Variants in CCDC50 observed in about 807,000 individuals in gnomAD.
CCDC50 encodes coiled-coil domain-containing protein 50.
A neutral mutation model predicts 70.2 loss-of-function variants in CCDC50; 54 were observed. The observed-to-expected ratio is 0.77, with a 90% confidence interval of 0.62 to 0.96. CCDC50 has a LOEUF of 0.96. Ranked by LOEUF, CCDC50 falls within the 50% of genes least tolerant of loss-of-function variation. The pLI is 0.00. For synonymous variants in CCDC50, 216 were observed against 198.8 expected, an observed-to-expected ratio of 1.09 and a Z score of -0.73; for missense variants, 558 against 578.7, an observed-to-expected ratio of 0.96 and a Z score of 0.37.
rs1712314749 is a variant in CCDC50 at position 191,357,114 on chromosome 3, G to C, written c.76G>C (p.Asp26His). Residue 26 changes from aspartate to histidine, a missense_variant, in exon 2 of 12, where the codon GAC becomes CAC. Physicochemically the swap from Asp to His is moderately conservative, Grantham distance 81. Coordinates refer to ENST00000392455, the MANE Select transcript of CCDC50 (RefSeq NM_178335.3). Reference sequence around the variant, plus strand: ...ATGCCGAGATTTTGCTGTCCTGGAGGACCACACCCTGGCTCACAGCCTGCA... The same window carrying C: ...ATGCCGAGATTTTGCTGTCCTGGAGCACCACACCCTGGCTCACAGCCTGCA... ...EVCRDFAVLEDHTLAHSLQEQ... is the reference protein window; with the variant it reads ...EVCRDFAVLEHHTLAHSLQEQ... 2 of 1,613,538 alleles carry C rather than the reference G, an allele frequency of 1.2e-6. No individual in the cohort carries two copies. The highest frequency in any genetic ancestry group is 1.7e-6 in the Non-Finnish European group (2 of 1,179,618).
At chr3:191,329,941 T>A (rs1409216229) in intron 1 of CCDC50, among the ~76,000 whole-genome samples, 1 of 5,354 alleles carries the variant, frequency 1.9e-4, no homozygotes, top group Non-Finnish European at 5.0e-4. Flanking sequence ...AAGGGGGTGG[T>A]TGGGGGGGGG....
Position 191,389,545 on chromosome 3 carries a change from T to G in CCDC50, c.1372T>G (p.Phe458Val). ...TGGTGAAGATGCGGATTACACTCAT[T>G]TTACAAACCAGCAGAGTTCCACACG... The part of the protein sequence containing the change: ...TDGEDADYTH[F>V]TNQQSSTRHF... Residue 458 changes from phenylalanine to valine, a missense_variant, in exon 11 of 12, where the codon TTT (phenylalanine) becomes GTT (valine). Transcript: ENST00000392455. 3 of 1,614,034 alleles carry G rather than the reference T, an allele frequency of 1.9e-6. No homozygotes were observed. The South Asian group carries it at 3.3e-5, about 18-fold the overall frequency.
intron 10 of CCDC50, among the ~76,000 whole-genome samples, chr3:191,386,839 G>C (rs929829045): frequency 2.6e-5 from 4 of 152,128 alleles, no homozygotes; most frequent in Admixed American, 2.6e-4. Flanking sequence ...TGTTTTTAAG[G>C]AAATAGAGGA....
intron 1 of CCDC50, among the ~76,000 whole-genome samples, chr3:191,347,453 C>CACA (rs1711964899): frequency 7.1e-6 from 1 of 141,744 alleles, no homozygotes; most frequent in Non-Finnish European, 1.6e-5. Context: ...CACATAAATC[C>CACA]TAAGCACCCC....
Position 191,329,610 on chromosome 3 carries a change from C to A in CCDC50, c.-65C>A. 2 of 1,548,880 alleles carry A rather than the reference C, an allele frequency of 1.3e-6. No individual in the cohort carries two copies. The highest frequency in any genetic ancestry group is 8.8e-7 in the Non-Finnish European group (1 of 1,142,676). ...CCGGCGCTGCTGCTGCGCTCGGGGC[C>A]CCGCTCGGCGCCGGCGGTGACCGGG... On this transcript the variant is annotated 5_prime_UTR_variant, in exon 1 of 12. Coordinates refer to ENST00000392455, the MANE Select transcript of CCDC50 (RefSeq NM_178335.3).
At position 191,395,957 on chromosome 3, in the gene CCDC50, C is replaced by CT. The variant is rs1176567727; in HGVS notation, c.*4198dup. ...TGGGCAGGTAGAAGCAAACTGGAGA[C>CT]TGTCCTGTTAATGCTGCATGGGGCA... On this transcript the variant is annotated 3_prime_UTR_variant, in exon 12 of 12. Transcript: ENST00000392455. 3.9e-5 allele frequency: 6 copies of CT among 152,092 alleles called. No individual in the cohort carries two copies. The highest frequency in any genetic ancestry group is 8.8e-5 in the Non-Finnish European group (6 of 68,016). 9.4% of individuals were successfully genotyped at this position (152,092 alleles called of 1,614,324 possible).
chr3:191,382,927 C>A, intron 10 of CCDC50, 102 bp downstream of exon 10: 1 of 810,226 alleles, frequency 1.2e-6, no homozygotes, highest in Non-Finnish European at 2.1e-6. Context: ...AGAGGAGATC[C>A]AAAAATCTGC....
intron 3 of CCDC50, among the ~76,000 whole-genome samples, chr3:191,358,650 T>C (rs1712378045): frequency 6.6e-6 from 1 of 152,210 alleles, no homozygotes; most frequent in South Asian, 2.1e-4. Flanking sequence ...AAGTTCTCTC[T>C]AGTAGCCTCC....
intron 1 of CCDC50, among the ~76,000 whole-genome samples, chr3:191,329,944 G>GGT (rs1717901557): frequency 3.4e-5 from 1 of 29,194 alleles, no homozygotes; most frequent in African/African-American, 5.2e-4. Context: ...GGGGTGGTTG[G>GGT]GGGGGGGGGG....
chr3:191,333,617 C>G (rs1337703616), intron 1 of CCDC50, among the ~76,000 whole-genome samples: 1 of 152,264 alleles, frequency 6.6e-6, no homozygotes, highest in South Asian at 2.1e-4. Flanking sequence ...AGTTATCTTG[C>G]TGTACCCTCA....
At chr3:191,348,514 G>A (rs142119889) in intron 1 of CCDC50, among the ~76,000 whole-genome samples, 1,733 of 142,332 alleles carry the variant, frequency 0.012, 348 homozygotes, top group Non-Finnish European at 0.018. Context: ...CAGTCTAGTA[G>A]TGGGATTATT....
At chr3:191,369,246 A>G (rs1160692372) in intron 4 of CCDC50, among the ~76,000 whole-genome samples, 1 of 152,110 alleles carries the variant, frequency 6.6e-6, no homozygotes, top group East Asian at 1.9e-4. Context: ...CTCCCGTGGA[A>G]ATTTTTTTGA....
Position 191,390,139 on chromosome 3 carries a change from C to T in CCDC50, c.1429+537C>T, listed in dbSNP as rs146552078. ...TGCTGGGATTATAGGCATGAGCCAC[C>T]GCACCCAGCTCTTTCATCAGATTCT... is the stretch of plus-strand genomic sequence containing the variant. On this transcript the variant is annotated intron_variant, in intron 11 of 11. Transcript: ENST00000392455. Among the ~76,000 whole-genome samples the T allele has an allele frequency of 7.7e-3, 1,178 of 152,160 alleles. 10 individuals are homozygous for T. Among genetic ancestry groups the T allele is most frequent in the Middle Eastern group, 0.034 (10 of 294 alleles).
At position 191,397,412 on chromosome 3, in the gene CCDC50, ATTT is replaced by A. The variant is rs2108682718; in HGVS notation, c.*5655_*5657del. 1 of 152,212 alleles carries A rather than the reference ATTT, an allele frequency of 6.6e-6. No homozygotes were observed. Among genetic ancestry groups the A allele is most frequent in the East Asian group, 1.9e-4 (1 of 5,178 alleles). The allele number at this position is 152,212 out of a possible 1,614,324, so 9.4% of individuals were successfully genotyped here. On this transcript the variant is annotated 3_prime_UTR_variant, in exon 12 of 12. Coordinates refer to ENST00000392455, the MANE Select transcript of CCDC50 (RefSeq NM_178335.3). ...AATGCTCTTTCTCAGAAAGAGCTAT[ATTT>A]TTCTCTTCTTACAGGCAACCCAATA... is the stretch of plus-strand genomic sequence containing the variant.
intron 3 of CCDC50, among the ~76,000 whole-genome samples, chr3:191,358,619 C>T (rs1257639745): frequency 6.6e-6 from 1 of 152,180 alleles, no homozygotes; most frequent in African/African-American, 2.4e-5. Flanking sequence ...CAGTTTTTTT[C>T]ATAACTTCAG....
chr3:191,396,087 A>G lies in CCDC50; in HGVS notation c.*4327A>G, dbSNP rs930865870. ...TTGCTCCTGGTATTTAACAACTGTC[A>G]TTAGAAATGCTGAAATTTAATTGTA... On this transcript the variant is annotated 3_prime_UTR_variant, in exon 12 of 12. Transcript: ENST00000392455. 10 of 152,230 alleles carry G rather than the reference A, an allele frequency of 6.6e-5. No individual in the cohort carries two copies. The highest frequency in any genetic ancestry group is 1.2e-4 in the Non-Finnish European group (8 of 68,036). The allele number at this position is 152,230 out of a possible 1,614,324, so 9.4% of individuals were successfully genotyped here. A position where few individuals can be genotyped will look rare whatever the true frequency, so the allele number is the denominator to read the frequency against.
At position 191,380,266 on chromosome 3, in the gene CCDC50, G is replaced by C. The variant is rs749174405; in HGVS notation, c.1084G>C (p.Glu362Gln). 1.2e-6 allele frequency: 2 copies of C among 1,610,152 alleles called. No homozygotes were observed. Among genetic ancestry groups the C allele is most frequent in the Non-Finnish European group, 1.7e-6 (2 of 1,176,954 alleles). Reference sequence around the variant, plus strand: ...AATTGCCAGAAAACTGCAAGAAGAAGAACTTTTGGTGAGCAAATTTTAAGG... The same window carrying C: ...AATTGCCAGAAAACTGCAAGAAGAACAACTTTTGGTGAGCAAATTTTAAGG... ...AEIARKLQEEELLATQVDMRA... is the reference protein window; with the variant it reads ...AEIARKLQEEQLLATQVDMRA... The change falls in exon 7 of 12, where the codon GAA becomes CAA. Residue 362 changes from glutamate (E) to glutamine (Q), a missense_variant. Physicochemically the swap from Glu to Gln is conservative, Grantham distance 29. Coordinates refer to ENST00000392455, the MANE Select transcript of CCDC50 (RefSeq NM_178335.3).
chr3:191,339,425 T>G (rs1387761834), intron 1 of CCDC50, among the ~76,000 whole-genome samples: 1 of 152,180 alleles, frequency 6.6e-6, no homozygotes, highest in Non-Finnish European at 1.5e-5. Flanking sequence ...GATTCCTTTA[T>G]AGCAGAAAAG....
At chr3:191,382,506 C>CT (rs1291318450) in intron 9 of CCDC50, among the ~76,000 whole-genome samples, 1 of 152,090 alleles carries the variant, frequency 6.6e-6, no homozygotes, top group Non-Finnish European at 1.5e-5. Context: ...GATGAGTGGG[C>CT]TAAATTACAC....
Sources: gnomAD v4.1 joint callset for allele counts (sites outside exome capture counted in the v4.1 genomes callset) on GRCh38, gnomAD v4.1.1 for gene constraint, MANE v1.5 for transcripts, NCBI Gene and HGNC (gene_info 2026-07-23, HGNC 2026-07-21) for gene names.